Variants in RUNX1 observed in about 807,000 individuals in gnomAD.
RUNX1 encodes RUNX family transcription factor 1.
A neutral mutation model predicts 42.8 loss-of-function variants in RUNX1; 19 were observed. That is an observed-to-expected ratio of 0.44 (90% CI 0.31 to 0.65). The LOEUF (loss-of-function observed/expected upper bound fraction) is 0.65, where lower values mean the gene tolerates loss of function less well. Among genes scored for constraint, RUNX1 ranks in the 30% least tolerant of loss-of-function variants. RUNX1 has a pLI of 0.07. For synonymous variants in RUNX1, 271 were observed against 289.4 expected (o/e 0.94, Z 0.64); for missense variants, 528 against 672.0 (o/e 0.79, Z 2.37).
intron 2 of RUNX1, among the ~76,000 whole-genome samples, chr21:34,928,966 G>C (rs998890224): frequency 2.0e-5 from 3 of 148,474 alleles, no homozygotes; most frequent in African/African-American, 7.4e-5. Flanking sequence ...TTTTTTGGGG[G>C]GGGGGGTAGA....
Position 34,790,917 on chromosome 21 carries a change from A to G in RUNX1, c.*1218T>C, listed in dbSNP as rs2056425913. On this transcript the variant is annotated 3_prime_UTR_variant, in exon 9 of 9. Coordinates refer to ENST00000675419, the MANE Select transcript of RUNX1 (RefSeq NM_001754.5). ...ACAGCATCTGTGAAATTATCAGATG[A>G]CCTTGGGGTGAGCAAATCCCTGGGC... 1 of 233,456 alleles carries G rather than the reference A, an allele frequency of 4.3e-6. No individual in the cohort carries two copies. Among genetic ancestry groups the G allele is most frequent in the African/African-American group, 2.2e-5 (1 of 45,346 alleles). 14.5% of individuals were successfully genotyped at this position (233,456 alleles called of 1,614,324 possible). A position where few individuals can be genotyped will look rare whatever the true frequency, so the allele number is the denominator to read the frequency against.
At chr21:34,796,020 C>G (rs1267198517) in intron 8 of RUNX1, among the ~76,000 whole-genome samples, 2 of 152,210 alleles carry the variant, frequency 1.3e-5, no homozygotes, top group Non-Finnish European at 2.9e-5. Context: ...ACAGCAATGT[C>G]TGGACATGCT....
chr21:34,889,179 A>T (rs2058044279), intron 3 of RUNX1, among the ~76,000 whole-genome samples: 1 of 151,438 alleles, frequency 6.6e-6, no homozygotes, highest in Admixed American at 6.6e-5. Context: ...ACGGCCCCAG[A>T]TCCTGCGCGG....
chr21:34,994,791 G>A (rs1157588814), intron 2 of RUNX1, among the ~76,000 whole-genome samples: 1 of 152,240 alleles, frequency 6.6e-6, no homozygotes, highest in Non-Finnish European at 1.5e-5. Context: ...TTTTGTGGTT[G>A]TAGTTAAATT....
chr21:34,881,571 G>A (rs756610220), intron 4 of RUNX1, among the ~76,000 whole-genome samples: 1 of 152,206 alleles, frequency 6.6e-6, no homozygotes, highest in Non-Finnish European at 1.5e-5. Flanking sequence ...GTATCTGTGA[G>A]TCTCAGCGTG....
At chr21:34,971,742 T>G (rs1183477641) in intron 2 of RUNX1, among the ~76,000 whole-genome samples, 2 of 152,144 alleles carry the variant, frequency 1.3e-5, no homozygotes, top group African/African-American at 4.8e-5. Flanking sequence ...GGAGGTAAAC[T>G]CCGGCAGCTC....
intron 2 of RUNX1, among the ~76,000 whole-genome samples, chr21:34,913,373 G>C (rs1057263947): frequency 1.3e-5 from 2 of 152,176 alleles, no homozygotes; most frequent in Non-Finnish European, 2.9e-5. Flanking sequence ...ATGCGGGGCT[G>C]TTCACCCACA....
In RUNX1 at chr21:34,792,311, G is replaced by GCACC; in HGVS notation, c.1266_1267insGGTG (p.Arg423GlyfsTer178). The GCACC allele has an allele frequency of 6.5e-7, 1 of 1,539,284 alleles. No homozygotes were observed. Among genetic ancestry groups the GCACC allele is most frequent in the African/African-American group, 1.4e-5 (1 of 72,666 alleles). On this transcript the variant is annotated frameshift_variant, in exon 9 of 9. Coordinates refer to ENST00000675419, the MANE Select transcript of RUNX1 (RefSeq NM_001754.5). LOFTEE classifies it high-confidence loss of function. The surrounding 1 kb of genome is among the most constrained non-coding windows in gnomAD (Gnocchi z 6.9). The stretch of plus-strand genomic sequence containing the variant: ...GGCGGCAGGATGCGCGGCGGCGAGC[G>GCACC]CTCGCCGCCCACCATGGAGAACTGG...
At position 34,810,406 on chromosome 21, in the gene RUNX1, A is replaced by G. The variant is rs2056743010; in HGVS notation, c.806-10944T>C. ...AAGAAAAACTCATATGAATGGGGGA[A>G]AAGGAGAATTCAAAACAATAAACAT... On this transcript the variant is annotated intron_variant, in intron 7 of 8. Transcript: ENST00000675419. Among the ~76,000 whole-genome samples the G allele has an allele frequency of 2.0e-5, 3 of 152,254 alleles. No homozygotes were observed. The South Asian group carries it at 6.2e-4, about 31-fold the overall frequency.
chr21:34,902,828 T>A (rs2058188009), intron 2 of RUNX1, among the ~76,000 whole-genome samples: 1 of 152,168 alleles, frequency 6.6e-6, no homozygotes, highest in South Asian at 2.1e-4. Context: ...CAGGAACATT[T>A]ATGCAAATGC....
intron 2 of RUNX1, among the ~76,000 whole-genome samples, chr21:34,928,900 T>C (rs1170612055): frequency 4.0e-5 from 6 of 148,354 alleles, no homozygotes; most frequent in Admixed American, 6.9e-5. Context: ...AATGCAGTGT[T>C]AAGTTTCGGG....
At chr21:34,863,624 G>A (rs535423357) in intron 5 of RUNX1, among the ~76,000 whole-genome samples, 4 of 139,096 alleles carry the variant, frequency 2.9e-5, no homozygotes, top group Non-Finnish European at 6.0e-5. Context: ...GCGTGATCTC[G>A]GCTCACTGCA....
At chr21:34,979,836 C>T (rs542911928) in intron 2 of RUNX1, among the ~76,000 whole-genome samples, 29 of 152,164 alleles carry the variant, frequency 1.9e-4, no homozygotes, top group African/African-American at 7.0e-4. Flanking sequence ...CCCCTTGGTC[C>T]CAAAGCAACC....
chr21:35,021,362 A>C lies in RUNX1; in HGVS notation c.58+27480T>G, dbSNP rs145321401. 4.5e-3 allele frequency among the ~76,000 whole-genome samples: 686 copies of C among 152,328 alleles called. 1 individual carries two copies. The highest frequency in any genetic ancestry group is 0.016 in the African/African-American group (657 of 41,570). On this transcript the variant is annotated intron_variant, in intron 2 of 8. Transcript: ENST00000675419. ...CTAAGTGTTTATGAACTAACTAAAT[A>C]AATGGTCTTAACTTTCTAGGTGCTG...
At chr21:34,885,299 T>C (rs1569082788) in intron 4 of RUNX1, among the ~76,000 whole-genome samples, 2 of 152,202 alleles carry the variant, frequency 1.3e-5, no homozygotes, top group East Asian at 1.9e-4. Flanking sequence ...CCAACCCTGT[T>C]GGGTCCCCTC....
rs564025760 is a variant in RUNX1 at position 34,870,619 on chromosome 21, G to A, written c.508+9938C>T. Among the ~76,000 whole-genome samples the A allele has an allele frequency of 3.3e-5, 5 of 152,328 alleles. No individual in the cohort carries two copies. The East Asian group carries it at 9.6e-4, about 29-fold the overall frequency. Reference sequence around the variant, plus strand: ...ACCCAAGTTGAAACACAGTGGGGAAGCCAGTAAAGTCCACGTGCTGACCAC... The same window carrying A: ...ACCCAAGTTGAAACACAGTGGGGAAACCAGTAAAGTCCACGTGCTGACCAC... On this transcript the variant is annotated intron_variant, in intron 5 of 8. Transcript: ENST00000675419.
intron 7 of RUNX1, among the ~76,000 whole-genome samples, chr21:34,818,896 C>T (rs2056869142): frequency 6.6e-6 from 1 of 152,192 alleles, no homozygotes; most frequent in Non-Finnish European, 1.5e-5. Context: ...CCTCTTTCGC[C>T]TAAGTGCTGT....
At chr21:35,001,251 AT>A (rs2059039825) in intron 2 of RUNX1, among the ~76,000 whole-genome samples, 2 of 150,162 alleles carry the variant, frequency 1.3e-5, no homozygotes, top group Non-Finnish European at 3.0e-5. Context: ...TAGTTCACCT[AT>A]TTCAAATGTA....
intron 2 of RUNX1, among the ~76,000 whole-genome samples, chr21:34,909,648 A>G (rs1313452676): frequency 1.2e-5 from 1 of 83,652 alleles, no homozygotes; most frequent in African/African-American, 5.9e-5. Flanking sequence ...CTCCAGAGTG[A>G]CCTCTTCAGC....
Sources: gnomAD v4.1 joint callset for allele counts (sites outside exome capture counted in the v4.1 genomes callset) on GRCh38, gnomAD v4.1.1 for gene constraint, Gnocchi (gnomAD v3.1) non-coding constraint, MANE v1.5 for transcripts, NCBI Gene and HGNC (gene_info 2026-07-23, HGNC 2026-07-21) for gene names.